TUBGCP6: variants seen among roughly 807,000 people sequenced by gnomAD.
TUBGCP6 encodes the protein gamma-tubulin complex component 6.
In TUBGCP6, 161 loss-of-function variants were observed where a neutral mutation model predicts 175.8. That is an observed-to-expected ratio of 0.92 (90% CI 0.81 to 1.04). The LOEUF (loss-of-function observed/expected upper bound fraction) is 1.04, where lower values mean the gene tolerates loss of function less well. Among genes scored for constraint, TUBGCP6 ranks in the 50% least tolerant of loss-of-function variants. TUBGCP6 has a pLI of 0.00. For missense variants in TUBGCP6, 2,572 were observed against 2,433.0 expected, an observed-to-expected ratio of 1.06 and a Z score of -1.20; for synonymous variants, 1,173 against 1,030.5, an observed-to-expected ratio of 1.14 and a Z score of -2.65.
chr22:50,236,282 C>T (rs1419063312), intron 2 of TUBGCP6, among the ~76,000 whole-genome samples: 12 of 152,024 alleles, frequency 7.9e-5, no homozygotes, highest in East Asian at 1.9e-4. Flanking sequence ...ACTACAGGCA[C>T]GGGCCACCAT....
intron 3 of TUBGCP6, among the ~76,000 whole-genome samples, chr22:50,230,826 G>A (rs1053907384): frequency 3.3e-5 from 5 of 150,830 alleles, no homozygotes; most frequent in Non-Finnish European, 5.9e-5. Context: ...GCTCACATCT[G>A]TAATCCCAGC....
chr22:50,244,533 A>C lies in TUBGCP6; in HGVS notation c.-74T>G. 1 of 1,489,218 alleles carries C rather than the reference A, an allele frequency of 6.7e-7. No individual in the cohort carries two copies. The highest frequency in any genetic ancestry group is 1.4e-5 in the African/African-American group (1 of 71,732). 92.3% of individuals were successfully genotyped at this position (1,489,218 alleles called of 1,614,324 possible). A position where few individuals can be genotyped will look rare whatever the true frequency, so the allele number is the denominator to read the frequency against. Reference sequence around the variant, plus strand: ...GGGCTTCACTCACGCTCCGGAAGACAGGGAGTGAGAGAGGGTCCGAAGAGG... The same window carrying C: ...GGGCTTCACTCACGCTCCGGAAGACCGGGAGTGAGAGAGGGTCCGAAGAGG... On this transcript the variant is annotated 5_prime_UTR_variant, in exon 1 of 25. Coordinates refer to ENST00000248846, the MANE Select transcript of TUBGCP6 (RefSeq NM_020461.4).
intron 2 of TUBGCP6, among the ~76,000 whole-genome samples, chr22:50,239,354 T>G (rs924303384): frequency 7.9e-5 from 12 of 152,136 alleles, no homozygotes; most frequent in African/African-American, 2.4e-4. Context: ...TTTTTGTATT[T>G]TTAGTAGAGA....
chr22:50,227,832 C>A (rs1021363017), intron 5 of TUBGCP6, 75 bp downstream of exon 5: 9 of 1,535,022 alleles, frequency 5.9e-6, no homozygotes, highest in Non-Finnish European at 7.9e-6. Context: ...GGGAGCAGGG[C>A]AAACCCTCCA....
In TUBGCP6 at chr22:50,220,287, G is replaced by T. The variant is rs1384885087; in HGVS notation, c.4072C>A (p.Pro1358Thr). 1 of 1,573,626 alleles carries T rather than the reference G, an allele frequency of 6.4e-7. No individual in the cohort carries two copies. Residue 1358 changes from proline (P) to threonine (T), a missense_variant, in exon 16 of 25, where the codon CCC becomes ACC. By Grantham distance (38) the Pro-to-Thr change is conservative. Transcript: ENST00000248846. ...GAGACACTGTCTCCCGGGGTGTTGG[G>T]CCACCATGGTTGGGTGGGAGCCACG... is the stretch of plus-strand genomic sequence containing the variant. The part of the protein sequence containing the change: ...SDVAPTQPWW[P>T]NTPGDSVSEE...
In TUBGCP6 at chr22:50,226,052, G is replaced by A. The variant is rs760971600; in HGVS notation, c.1831C>T (p.Arg611Trp). The change falls in exon 9 of 25, where the codon CGG (arginine) becomes TGG (tryptophan). Residue 611 changes from arginine (R) to tryptophan (W), a missense_variant and splice_region_variant. Arg to Trp is a moderately radical substitution (Grantham distance 101). Coordinates refer to ENST00000248846, the MANE Select transcript of TUBGCP6 (RefSeq NM_020461.4). ...TINLLKLCCP[R>W]HYLCWSDVPV... ...CCCACACATGAGCCCCTCCTCACCC[G>A]GGGGCAGCAGAGCTTCAGCAGGTTA... The A allele has an allele frequency of 5.6e-6, 9 of 1,614,034 alleles. No individual in the cohort carries two copies. The highest frequency in any genetic ancestry group is 2.2e-5 in the East Asian group (1 of 44,882).
At position 50,229,507 on chromosome 22, in the gene TUBGCP6, A is replaced by G. The variant is rs1375458494; in HGVS notation, c.1187T>C (p.Leu396Pro). Residue 396 changes from leucine (L) to proline (P), a missense_variant, in exon 4 of 25, where the codon CTG becomes CCG. Physicochemically the swap from Leu to Pro is moderately conservative, Grantham distance 98. Transcript: ENST00000248846. ...SGASPESISSLLSEVAEYGTC... is the reference protein window; with the variant it reads ...SGASPESISSPLSEVAEYGTC... ...CCCATACTCGGCCACTTCCGAGAGC[A>G]GGCTGCTGATGCTCTCGGGAGACGC... is the stretch of plus-strand genomic sequence containing the variant. The G allele has an allele frequency of 1.9e-6, 3 of 1,610,540 alleles. No homozygotes were observed. Among genetic ancestry groups the G allele is most frequent in the Admixed American group, 1.7e-5 (1 of 59,606 alleles).
rs139509927 is a variant in TUBGCP6 at position 50,221,295 on chromosome 22, T to C, written c.3064A>G (p.Thr1022Ala). 2.3e-5 allele frequency: 37 copies of C among 1,613,692 alleles called. No homozygotes were observed. In the African/African-American group the frequency reaches 4.7e-4, roughly 20 times the overall value. ...GACACCTGCCCAAAGAGCCGCTCTGTGGGCTGGCTGCTCCCCTCCTCCAGA... is the reference window on the plus strand; with the variant it reads ...GACACCTGCCCAAAGAGCCGCTCTGCGGGCTGGCTGCTCCCCTCCTCCAGA... The part of the protein sequence containing the change: ...AALEEGSSQP[T>A]ERLFGQVSGG... Residue 1022 changes from threonine to alanine, a missense_variant, in exon 16 of 25, where the codon ACA becomes GCA. Physicochemically the swap from Thr to Ala is moderately conservative, Grantham distance 58. Transcript: ENST00000248846.
chr22:50,233,402 G>T lies in TUBGCP6; in HGVS notation c.1030C>A (p.Pro344Thr). ...AGCTCGCACTCCTTCACCAGCACGG[G>T]CTGCGGGGCCTGTAGGACGCCCCCA... ...LAGGVLQAPQ[P>T]VLVKECELVK... is the part of the protein sequence containing the mutation. Residue 344 changes from proline (P) to threonine (T), a missense_variant, in exon 3 of 25, where the codon CCC becomes ACC. Coordinates refer to ENST00000248846, the MANE Select transcript of TUBGCP6 (RefSeq NM_020461.4). 1 of 1,613,998 alleles carries T rather than the reference G, an allele frequency of 6.2e-7. No homozygotes were observed. The highest frequency in any genetic ancestry group is 2.2e-5 in the East Asian group (1 of 44,876).
chr22:50,240,405 T>G, intron 1 of TUBGCP6, 38 bp from the exon 2 acceptor site: 1 of 1,612,184 alleles, frequency 6.2e-7, no homozygotes, highest in African/African-American at 1.3e-5. Flanking sequence ...CACTTATTGC[T>G]GTGTCCACGT....
chr22:50,244,493 GA>G lies in TUBGCP6; in HGVS notation c.-35del. The G allele has an allele frequency of 1.9e-6, 3 of 1,576,728 alleles. No homozygotes were observed. Among genetic ancestry groups the G allele is most frequent in the South Asian group, 2.3e-5 (2 of 87,914 alleles). ...TCAGCTCCGGGCCCCCGGCGTGTGG[GA>G]AAACACCTCACCCGGGCTTCACTCA... On this transcript the variant is annotated 5_prime_UTR_variant, in exon 1 of 25. Coordinates refer to ENST00000248846, the MANE Select transcript of TUBGCP6 (RefSeq NM_020461.4).
In TUBGCP6 at chr22:50,221,383, C is replaced by T. The variant is rs1427001292; in HGVS notation, c.2976G>A (p.Met992Ile). ...LQLWEDSCGK[M>I]DACGSASRET... ...CCCGCGAGGCGGAGCCACAGGCATC[C>T]ATCTTCCCACAACTGTCCTCCCACA... Residue 992 changes from methionine to isoleucine, a missense_variant, in exon 16 of 25, where the codon ATG (methionine) becomes ATA (isoleucine). Met to Ile is a conservative substitution (Grantham distance 10). Coordinates refer to ENST00000248846, the MANE Select transcript of TUBGCP6 (RefSeq NM_020461.4). 1 of 1,608,898 alleles carries T rather than the reference C, an allele frequency of 6.2e-7. No homozygotes were observed. Among genetic ancestry groups the T allele is most frequent in the Non-Finnish European group, 8.5e-7 (1 of 1,179,622 alleles).
chr22:50,243,632 A>AAAAAAGAAGAAGAAGAAG, intron 1 of TUBGCP6, 87 bp downstream of exon 1: 1 of 953,116 alleles, frequency 1.0e-6, no homozygotes, highest in African/African-American at 1.9e-5. Flanking sequence ...AAAAAAAAAA[A>AAAAAAGAAGAAGAAGAAG]AAGAAGAAGA....
In TUBGCP6 at chr22:50,244,238, G is replaced by A. The variant is rs770711309; in HGVS notation, c.222C>T (p.Ser74=). 6.2e-7 allele frequency: 1 copy of A among 1,613,478 alleles called. No individual in the cohort carries two copies. The highest frequency in any genetic ancestry group is 1.7e-5 in the Admixed American group (1 of 60,032). Residue 74 remains serine (S), a synonymous_variant, in exon 1 of 25, where the codon TCC becomes TCT. Coordinates refer to ENST00000248846, the MANE Select transcript of TUBGCP6 (RefSeq NM_020461.4). ...LPARNKILML[S]FDLRVGGLGP... is the part of the protein sequence containing the mutation. ...CCAGGCCACCCACTCTCAAGTCAAA[G>A]GACAACATGAGGATCTTGTTTCTCG...
In TUBGCP6 at chr22:50,222,058, C is replaced by T. The variant is rs1037244098; in HGVS notation, c.2454G>A (p.Pro818=). ...AVSEAHQPQE[P]PDVLLSVHPQ... ...GGTGCACGCTCAAGAGGACGTCTGG[C>T]GGCTCCTGGGGCTGGTGAGCCTCAG... Residue 818 remains proline (P), a synonymous_variant, in exon 15 of 25, where the codon CCG becomes CCA. Coordinates refer to ENST00000248846, the MANE Select transcript of TUBGCP6 (RefSeq NM_020461.4). 1.2e-6 allele frequency: 2 copies of T among 1,613,834 alleles called. No homozygotes were observed. Among genetic ancestry groups the T allele is most frequent in the Non-Finnish European group, 1.7e-6 (2 of 1,179,984 alleles).
chr22:50,235,610 A>G (rs1456246663), intron 2 of TUBGCP6, among the ~76,000 whole-genome samples: 1 of 152,226 alleles, frequency 6.6e-6, no homozygotes, highest in Non-Finnish European at 1.5e-5. Flanking sequence ...GTGCAACTCC[A>G]CTTACATGAG....
chr22:50,244,885 C>G lies in TUBGCP6; in HGVS notation c.-426G>C, dbSNP rs2064900672. 4.7e-6 allele frequency: 1 copy of G among 211,050 alleles called. No individual in the cohort carries two copies. The allele number at this position is 211,050 out of a possible 1,614,324, so 13.1% of individuals were successfully genotyped here. A position where few individuals can be genotyped will look rare whatever the true frequency, so the allele number is the denominator to read the frequency against. The stretch of plus-strand genomic sequence containing the variant: ...AGGGTGCCACTCCGAGGGTCGTGGG[C>G]AGCGGAGAGTCTGGGGGCTCAGCCG... On this transcript the variant is annotated 5_prime_UTR_variant, in exon 1 of 25. Coordinates refer to ENST00000248846, the MANE Select transcript of TUBGCP6 (RefSeq NM_020461.4).
At chr22:50,242,812 T>C (rs1325224701) in intron 1 of TUBGCP6, among the ~76,000 whole-genome samples, 1 of 152,194 alleles carries the variant, frequency 6.6e-6, no homozygotes, top group African/African-American at 2.4e-5. Flanking sequence ...TTGTTTTAAT[T>C]AACTTCAATT....
In TUBGCP6 at chr22:50,243,708, A is replaced by G. The variant is rs370710470; in HGVS notation, c.741+11T>C. The G allele has an allele frequency of 2.5e-6, 4 of 1,588,070 alleles. No individual in the cohort carries two copies. The African/African-American group carries it at 5.4e-5, about 21-fold the overall frequency. ...CGAGAGAGATGAAAGAGGAAAAACT[A>G]AACATTCTACCTTAATAGCCAGCCC... On this transcript the variant is annotated intron_variant, in intron 1 of 24. Coordinates refer to ENST00000248846, the MANE Select transcript of TUBGCP6 (RefSeq NM_020461.4).
Sources: gnomAD v4.1 joint callset for allele counts (sites outside exome capture counted in the v4.1 genomes callset) on GRCh38, gnomAD v4.1.1 for gene constraint, MANE v1.5 for transcripts, NCBI Gene and HGNC (gene_info 2026-07-23, HGNC 2026-07-21) for gene names.